The following PLEKHA3 variants were observed in gnomAD, a reference collection of about 807,000 sequenced individuals.
The protein encoded by PLEKHA3 is pleckstrin homology domain-containing family A member 3.
A neutral mutation model predicts 39.2 loss-of-function variants in PLEKHA3; 19 were observed. That is an observed-to-expected ratio of 0.48 (90% confidence interval 0.34 to 0.71). The LOEUF is 0.71. PLEKHA3 is among the 30% of genes least tolerant of loss of function. PLEKHA3 has a pLI of 0.01. For missense variants in PLEKHA3, 253 were observed against 359.5 expected, an observed-to-expected ratio of 0.70 and a Z score of 2.40; for synonymous variants, 97 against 118.6, an observed-to-expected ratio of 0.82 and a Z score of 1.18.
chr2:178,510,991 C>T lies in PLEKHA3; in HGVS notation c.*7104C>T, dbSNP rs183912736. ...ATAATTGTGTTCTAGGTAGAAGCTA[C>T]TCTGAGTTTAGGTTTTTAAATCTCT... is the stretch of plus-strand genomic sequence containing the variant. On this transcript the variant is annotated 3_prime_UTR_variant, in exon 8 of 8. Transcript: ENST00000234453. 3 of 152,122 alleles carry T rather than the reference C, an allele frequency of 2.0e-5. No homozygotes were observed. The highest frequency in any genetic ancestry group is 1.3e-4 in the Admixed American group (2 of 15,288). 9.4% of individuals were successfully genotyped at this position (152,122 alleles called of 1,614,324 possible). A position where few individuals can be genotyped will look rare whatever the true frequency, so the allele number is the denominator to read the frequency against.
At chr2:178,482,518 A>G (rs1418382162) in intron 1 of PLEKHA3, among the ~76,000 whole-genome samples, 1 of 147,828 alleles carries the variant, frequency 6.8e-6, no homozygotes, top group Non-Finnish European at 1.5e-5. Context: ...GTACCCACAC[A>G]CTTCAGCCTG....
chr2:178,493,527 TA>T (rs1685391515), intron 3 of PLEKHA3, among the ~76,000 whole-genome samples: 7 of 152,002 alleles, frequency 4.6e-5, no homozygotes, highest in Admixed American at 4.6e-4. Flanking sequence ...AAGGACAAAA[TA>T]AAAAAGCAAT....
rs1685623604 is a variant in PLEKHA3, at chr2:178,507,633, C to T, written c.*3746C>T. On this transcript the variant is annotated 3_prime_UTR_variant, in exon 8 of 8. Coordinates refer to ENST00000234453, the MANE Select transcript of PLEKHA3 (RefSeq NM_019091.4). ...TGGTTCAGCAGTCATTCTGAAACTC[C>T]CTTTAGTTTTTAGTCTCACATTAGG... 1.2e-5 allele frequency: 1 copy of T among 81,204 alleles called. No homozygotes were observed. The highest frequency in any genetic ancestry group is 4.8e-4 in the South Asian group (1 of 2,092). 5.0% of individuals were successfully genotyped at this position (81,204 alleles called of 1,614,324 possible).
intron 1 of PLEKHA3, among the ~76,000 whole-genome samples, chr2:178,483,085 C>G (rs1032782093): frequency 2.6e-5 from 4 of 152,022 alleles, no homozygotes; most frequent in Admixed American, 6.5e-5. Context: ...TGGTGAAACC[C>G]TGTCCCTACA....
Position 178,514,617 on chromosome 2 carries a change from C to T in PLEKHA3, c.*10730C>T, listed in dbSNP as rs2154128388. On this transcript the variant is annotated 3_prime_UTR_variant, in exon 8 of 8. Transcript: ENST00000234453. The stretch of plus-strand genomic sequence containing the variant: ...TATATCCTTCACTTATTAATAGTGC[C>T]TTCATGAATTCAAAGACCCTTGTCA... 1 of 151,208 alleles carries T rather than the reference C, an allele frequency of 6.6e-6. No individual in the cohort carries two copies. Among genetic ancestry groups the T allele is most frequent in the East Asian group, 1.9e-4 (1 of 5,150 alleles). The allele number at this position is 151,208 out of a possible 1,614,324, so 9.4% of individuals were successfully genotyped here.
At position 178,507,887 on chromosome 2, in the gene PLEKHA3, C is replaced by T. The variant is rs568846356; in HGVS notation, c.*4000C>T. On this transcript the variant is annotated 3_prime_UTR_variant, in exon 8 of 8. Coordinates refer to ENST00000234453, the MANE Select transcript of PLEKHA3 (RefSeq NM_019091.4). ...TAGTTTTTCTGTGAGAATTCTGATA[C>T]CGTTCCTTTACCTGGGATCTGTTTT... The T allele has an allele frequency of 6.5e-6, 1 of 153,534 alleles. No individual in the cohort carries two copies. Among genetic ancestry groups the T allele is most frequent in the Non-Finnish European group, 1.5e-5 (1 of 67,954 alleles). The allele number at this position is 153,534 out of a possible 1,614,324, so 9.5% of individuals were successfully genotyped here. A position where few individuals can be genotyped will look rare whatever the true frequency, so the allele number is the denominator to read the frequency against.
intron 3 of PLEKHA3, among the ~76,000 whole-genome samples, chr2:178,491,665 C>CA (rs1410055188): frequency 1.3e-5 from 2 of 152,184 alleles, no homozygotes; most frequent in Non-Finnish European, 2.9e-5. Context: ...GTGAAAATGA[C>CA]AATTTCTTGA....
intron 2 of PLEKHA3, among the ~76,000 whole-genome samples, chr2:178,489,454 T>C (rs1575143113): frequency 7.4e-6 from 1 of 135,580 alleles, no homozygotes; most frequent in South Asian, 2.5e-4. Flanking sequence ...TTTCCTTCTT[T>C]TTTTTTTTTT....
intron 5 of PLEKHA3, among the ~76,000 whole-genome samples, chr2:178,496,620 T>A (rs115593460): frequency 0.011 from 1,733 of 152,310 alleles, 38 homozygotes; most frequent in African/African-American, 0.039. Context: ...ACCATGAAAA[T>A]GAGTTTTATG....
intron 1 of PLEKHA3, among the ~76,000 whole-genome samples, chr2:178,484,795 G>T (rs185923989): frequency 6.6e-6 from 1 of 152,220 alleles, no homozygotes; most frequent in Non-Finnish European, 1.5e-5. Context: ...ACCAAGTTTG[G>T]CTTCAAAGAG....
intron 2 of PLEKHA3, among the ~76,000 whole-genome samples, chr2:178,487,101 G>T (rs374910568): frequency 6.6e-6 from 1 of 152,228 alleles, no homozygotes; most frequent in Non-Finnish European, 1.5e-5. Flanking sequence ...GGGTTAGGGG[G>T]AGACAGTGTC....
intron 6 of PLEKHA3, among the ~76,000 whole-genome samples, chr2:178,499,936 C>G (rs934410834): frequency 6.6e-6 from 1 of 152,058 alleles, no homozygotes; most frequent in Non-Finnish European, 1.5e-5. Context: ...CTCATTTTAC[C>G]TCAGCTGTTT....
chr2:178,510,175 G>A lies in PLEKHA3; in HGVS notation c.*6288G>A, dbSNP rs957498428. On this transcript the variant is annotated 3_prime_UTR_variant, in exon 8 of 8. Coordinates refer to ENST00000234453, the MANE Select transcript of PLEKHA3 (RefSeq NM_019091.4). The stretch of plus-strand genomic sequence containing the variant: ...CAGATGTGAGCCACCGTGCCCAGCC[G>A]ACCCTGCATTTAACTAGACTTCATA... The A allele has an allele frequency of 6.6e-6, 1 of 152,180 alleles. No individual in the cohort carries two copies. The highest frequency in any genetic ancestry group is 2.4e-5 in the African/African-American group (1 of 41,380). 9.4% of individuals were successfully genotyped at this position (152,180 alleles called of 1,614,324 possible). A position where few individuals can be genotyped will look rare whatever the true frequency, so the allele number is the denominator to read the frequency against.
chr2:178,484,322 T>C (rs1055598732), intron 1 of PLEKHA3, among the ~76,000 whole-genome samples: 3 of 152,220 alleles, frequency 2.0e-5, no homozygotes, highest in Non-Finnish European at 4.4e-5. Flanking sequence ...AAAAGGAATC[T>C]TCCAGGAACC....
chr2:178,496,781 C>G (rs564579848), intron 5 of PLEKHA3, among the ~76,000 whole-genome samples: 8 of 151,970 alleles, frequency 5.3e-5, no homozygotes, highest in Non-Finnish European at 1.0e-4. Context: ...GTGACACCAT[C>G]ATAACTCACT....
rs1181110712 is a variant in PLEKHA3 at position 178,513,582 on chromosome 2, G to A, written c.*9695G>A. On this transcript the variant is annotated 3_prime_UTR_variant, in exon 8 of 8. Coordinates refer to ENST00000234453, the MANE Select transcript of PLEKHA3 (RefSeq NM_019091.4). ...CGTGAGTGTGACAGTGTGTGTGCCT[G>A]TGTCTCTATCTGTGCATGCATCTGT... 6.6e-6 allele frequency: 1 copy of A among 152,156 alleles called. No homozygotes were observed. The highest frequency in any genetic ancestry group is 2.4e-5 in the African/African-American group (1 of 41,432). 9.4% of individuals were successfully genotyped at this position (152,156 alleles called of 1,614,324 possible). A position where few individuals can be genotyped will look rare whatever the true frequency, so the allele number is the denominator to read the frequency against.
At chr2:178,482,310 G>T (rs1341192256) in intron 1 of PLEKHA3, among the ~76,000 whole-genome samples, 2 of 151,976 alleles carry the variant, frequency 1.3e-5, no homozygotes, top group Non-Finnish European at 2.9e-5. Flanking sequence ...GCGGAGGTGG[G>T]AGGATTGCTT....
intron 2 of PLEKHA3, among the ~76,000 whole-genome samples, chr2:178,487,565 A>G (rs189780416): frequency 6.6e-6 from 1 of 151,996 alleles, no homozygotes; most frequent in Admixed American, 6.5e-5. Context: ...CAGCCTCCTG[A>G]GTAGCTGGGA....
At chr2:178,488,567 T>G (rs983773096) in intron 2 of PLEKHA3, among the ~76,000 whole-genome samples, 4 of 152,146 alleles carry the variant, frequency 2.6e-5, no homozygotes, top group African/African-American at 7.2e-5. Context: ...TGGCCCTGTT[T>G]TTGTTGTTGT....
Sources: gnomAD v4.1 joint callset for allele counts (sites outside exome capture counted in the v4.1 genomes callset) on GRCh38, gnomAD v4.1.1 for gene constraint, MANE v1.5 for transcripts, NCBI Gene and HGNC (gene_info 2026-07-23, HGNC 2026-07-21) for gene names.